RAD51: variants seen among roughly 807,000 people sequenced by gnomAD.
RAD51 encodes DNA repair protein RAD51 homolog 1.
In RAD51, 14 loss-of-function variants were observed where a neutral mutation model predicts 41.5. The ratio of observed to expected loss-of-function variants is 0.34; its 90% CI spans 0.22 to 0.53. The LOEUF (loss-of-function observed/expected upper bound fraction) is 0.53. Ranked by LOEUF, RAD51 falls within the 20% of genes least tolerant of loss-of-function variation. The probability of loss-of-function intolerance (pLI) is 0.95; values close to 1 mark genes in which losing one functional copy is unlikely to be tolerated. For synonymous variants in RAD51, 136 were observed against 148.6 expected (o/e 0.92, Z 0.62); for missense variants, 234 against 422.0 (o/e 0.55, Z 3.90).
chr15:40,704,809 A>C (rs1208804136), intron 3 of RAD51, among the ~76,000 whole-genome samples: 1 of 151,454 alleles, frequency 6.6e-6, no homozygotes, highest in Non-Finnish European at 1.5e-5. Context: ...AGCTGGGACT[A>C]CAGGCGCGTG....
At chr15:40,696,326 G>T (rs550648221) in intron 1 of RAD51, among the ~76,000 whole-genome samples, 12 of 152,052 alleles carry the variant, frequency 7.9e-5, no homozygotes, top group Middle Eastern at 6.8e-3. Context: ...TGTAGTCCCA[G>T]CACTTTGGGA....
At chr15:40,705,395 TA>T (rs1169413467) in intron 3 of RAD51, among the ~76,000 whole-genome samples, 3 of 151,980 alleles carry the variant, frequency 2.0e-5, no homozygotes, top group Non-Finnish European at 4.4e-5. Context: ...AGCCAGACAA[TA>T]TGAAAGAAAA....
At chr15:40,718,677 C>T (rs1896111460) in intron 5 of RAD51, 128 bp from the exon 6 acceptor site, 2 of 798,434 alleles carry the variant, frequency 2.5e-6, no homozygotes, top group African/African-American at 1.7e-5. Context: ...TGCCTCCTTC[C>T]TACCACTGTC....
chr15:40,718,527 AAAAG>A (rs1283443515), intron 5 of RAD51, among the ~76,000 whole-genome samples: 4 of 152,062 alleles, frequency 2.6e-5, no homozygotes, highest in African/African-American at 4.8e-5. Flanking sequence ...AAAAAAAAAA[AAAAG>A]AAGAAAAGAA....
At chr15:40,728,619 C>T in intron 6 of RAD51, 92 bp from the exon 7 acceptor site, 1 of 1,002,406 alleles carries the variant, frequency 1.0e-6, no homozygotes, top group Non-Finnish European at 1.6e-6. Flanking sequence ...CACTTCTTCC[C>T]TACCTATTCA....
chr15:40,714,946 G>C (rs557068505), intron 5 of RAD51, among the ~76,000 whole-genome samples: 5 of 152,190 alleles, frequency 3.3e-5, no homozygotes, highest in Non-Finnish European at 7.3e-5. Context: ...GGCTGAGGCC[G>C]GAGGATTGCT....
chr15:40,728,522 G>A (rs900968581), intron 6 of RAD51, among the ~76,000 whole-genome samples, 189 bp from the exon 7 acceptor site: 2 of 152,072 alleles, frequency 1.3e-5, no homozygotes, highest in African/African-American at 2.4e-5. Flanking sequence ...GAGTAGTTGG[G>A]TGCTATCATC....
chr15:40,726,805 C>T (rs1410783506), intron 6 of RAD51, among the ~76,000 whole-genome samples: 2 of 150,404 alleles, frequency 1.3e-5, no homozygotes, highest in East Asian at 2.0e-4. Context: ...CCCAGCTACT[C>T]GGGAGGCTGA....
At chr15:40,717,092 C>A (rs539407341) in intron 5 of RAD51, among the ~76,000 whole-genome samples, 4 of 151,926 alleles carry the variant, frequency 2.6e-5, no homozygotes, top group African/African-American at 9.7e-5. Context: ...CCTCCCAGCA[C>A]TTTGGGAGGC....
At chr15:40,698,203 T>G (rs1055800092) in intron 1 of RAD51, among the ~76,000 whole-genome samples, 5 of 151,872 alleles carry the variant, frequency 3.3e-5, no homozygotes, top group East Asian at 1.9e-4. Flanking sequence ...TTTGTTTTTT[T>G]TTTTGAGACA....
intron 1 of RAD51, chr15:40,695,747 A>G (rs1894582211): frequency 6.6e-6 from 1 of 152,216 alleles, no homozygotes; most frequent in Non-Finnish European, 1.5e-5. Context: ...CGGATTCCTG[A>G]TCTGTCTTTC....
chr15:40,717,948 C>T (rs1046706410), intron 5 of RAD51, among the ~76,000 whole-genome samples: 1 of 152,156 alleles, frequency 6.6e-6, no homozygotes, highest in African/African-American at 2.4e-5. Context: ...AATTTTATTA[C>T]TGGCCAGGTG....
intron 4 of RAD51, among the ~76,000 whole-genome samples, chr15:40,707,071 A>G (rs922905907): frequency 6.7e-6 from 1 of 150,134 alleles, no homozygotes; most frequent in Admixed American, 6.7e-5. Context: ...GCTCACTGCA[A>G]CCTCTGCTTC....
intron 5 of RAD51, among the ~76,000 whole-genome samples, chr15:40,711,656 A>G (rs1270050167): frequency 1.3e-5 from 2 of 152,248 alleles, no homozygotes; most frequent in African/African-American, 4.8e-5. Flanking sequence ...AAAAGCATTT[A>G]ACTGTATAGA....
intron 9 of RAD51, 45 bp downstream of exon 9, chr15:40,730,019 T>G: frequency 6.2e-7 from 1 of 1,605,292 alleles, no homozygotes. Context: ...AATGTCATAT[T>G]AACTGTGAAG....
At chr15:40,704,564 A>C (rs1464515557) in intron 3 of RAD51, among the ~76,000 whole-genome samples, 1 of 142,210 alleles carries the variant, frequency 7.0e-6, no homozygotes, top group African/African-American at 2.6e-5. Flanking sequence ...GTTTCACCAT[A>C]TTGGGCAGGC....
rs1041424632 is a variant in RAD51, at chr15:40,695,312, G to A, written c.-116G>A. On this transcript the variant is annotated 5_prime_UTR_variant, in exon 1 of 10. Transcript: ENST00000267868. ...CAGAAGGCTGGGGCAAGCGAGTAGAGAAGTGGAGCGTAAGCCAGGGGCGTT... is the reference window on the plus strand; with the variant it reads ...CAGAAGGCTGGGGCAAGCGAGTAGAAAAGTGGAGCGTAAGCCAGGGGCGTT... The A allele has an allele frequency of 6.6e-6, 1 of 152,590 alleles. No individual in the cohort carries two copies. The highest frequency in any genetic ancestry group is 2.4e-5 in the African/African-American group (1 of 41,480). 9.5% of individuals were successfully genotyped at this position (152,590 alleles called of 1,614,324 possible). A position where few individuals can be genotyped will look rare whatever the true frequency, so the allele number is the denominator to read the frequency against.
chr15:40,726,415 C>T (rs1158575487), intron 6 of RAD51, among the ~76,000 whole-genome samples: 1 of 151,780 alleles, frequency 6.6e-6, no homozygotes, highest in East Asian at 2.0e-4. Context: ...CCACACCCAT[C>T]TAATTTTTGT....
chr15:40,725,236 T>TACA (rs1049411059), intron 6 of RAD51, among the ~76,000 whole-genome samples: 7 of 152,182 alleles, frequency 4.6e-5, no homozygotes, highest in African/African-American at 1.4e-4. Flanking sequence ...CTTGCTGTGT[T>TACA]GCCCAGGCTG....
Sources: gnomAD v4.1 joint callset for allele counts (sites outside exome capture counted in the v4.1 genomes callset) on GRCh38, gnomAD v4.1.1 for gene constraint, MANE v1.5 for transcripts, NCBI Gene and HGNC (gene_info 2026-07-23, HGNC 2026-07-21) for gene names.